LAMB3: variants seen among roughly 807,000 people sequenced by gnomAD.
The protein encoded by LAMB3 is laminin subunit beta 3, also known as laminin subunit beta-3.
In LAMB3, 104 loss-of-function variants were observed where a neutral mutation model predicts 140.3. That is an observed-to-expected ratio of 0.74 (90% CI 0.63 to 0.87). The LOEUF (loss-of-function observed/expected upper bound fraction) is 0.87. LAMB3 is among the 40% of genes least tolerant of loss of function. LAMB3 has a pLI of 0.00. For missense variants in LAMB3, 1,531 were observed against 1,575.2 expected (o/e 0.97, Z 0.47); for synonymous variants, 592 against 602.9 (o/e 0.98, Z 0.26).
At chr1:209,624,830 T>C (rs1478219662) in intron 14 of LAMB3, among the ~76,000 whole-genome samples, 1 of 150,008 alleles carries the variant, frequency 6.7e-6, no homozygotes, top group Non-Finnish European at 1.5e-5. Context: ...TGTACAATGC[T>C]TGTTTCATCA....
rs1442684157 is a variant in LAMB3, at chr1:209,622,518, G to A, written c.2701+18C>T. ...AGGACTGGAACAGCAGCCAAGGTGGGGTGGAGACTGGGCTCACCTGTTAGG... is the reference window on the plus strand; with the variant it reads ...AGGACTGGAACAGCAGCCAAGGTGGAGTGGAGACTGGGCTCACCTGTTAGG... On this transcript the variant is annotated intron_variant, in intron 18 of 22. Coordinates refer to ENST00000356082, the MANE Select transcript of LAMB3 (RefSeq NM_000228.3). 1.2e-6 allele frequency: 2 copies of A among 1,613,344 alleles called. No individual in the cohort carries two copies. Among genetic ancestry groups the A allele is most frequent in the Admixed American group, 3.3e-5 (2 of 60,018 alleles).
chr1:209,629,631 C>T, intron 10 of LAMB3, 106 bp downstream of exon 10: 16 of 1,089,362 alleles, frequency 1.5e-5, no homozygotes, highest in East Asian at 2.5e-5. Flanking sequence ...AGTTTTCATG[C>T]TCCCTGAGGG....
At position 209,622,632 on chromosome 1, in the gene LAMB3, G is replaced by T. The variant is rs11555728; in HGVS notation, c.2605C>A (p.Arg869Ser). ...CTGGCGCTCACCTGGGTCTCCAAGC[G>T]CTGGGCACTGGATTGAATCTGTGAG... ...SASQIQSSAQ[R>S]LETQVSASRS... The change falls in exon 18 of 23, where the codon CGC becomes AGC. Residue 869 changes from arginine to serine, a missense_variant. Coordinates refer to ENST00000356082, the MANE Select transcript of LAMB3 (RefSeq NM_000228.3). The T allele has an allele frequency of 1.6e-4, 253 of 1,613,982 alleles. No individual in the cohort carries two copies. Among genetic ancestry groups the T allele is most frequent in the Admixed American group, 1.1e-3 (68 of 60,004 alleles).
Position 209,625,846 on chromosome 1 carries a change from C to A in LAMB3, c.1778G>T (p.Arg593Leu). 1.2e-6 allele frequency: 2 copies of A among 1,614,076 alleles called. No homozygotes were observed. The highest frequency in any genetic ancestry group is 1.7e-6 in the Non-Finnish European group (2 of 1,179,998). ...PCFQTYDADL[R>L]EQALRFGRLR... ...TCTACCAAAGCGCAGGGCCTGCTCC[C>A]GGAGGTCCGCATCATAGGTCTGGAA... is the stretch of plus-strand genomic sequence containing the variant. The change falls in exon 14 of 23, where the codon CGG becomes CTG. Residue 593 changes from arginine to leucine, a missense_variant. By Grantham distance (102) the Arg-to-Leu change is moderately radical. Transcript: ENST00000356082.
At chr1:209,640,702 T>C (rs2102450396) in intron 3 of LAMB3, among the ~76,000 whole-genome samples, 1 of 152,312 alleles carries the variant, frequency 6.6e-6, no homozygotes, top group African/African-American at 2.4e-5. Flanking sequence ...TATTTGTATA[T>C]TGTCTGCCTC....
rs769503031 is a variant in LAMB3 at position 209,632,571 on chromosome 1, C to G, written c.822+12G>C. On this transcript the variant is annotated intron_variant, in intron 8 of 22. Coordinates refer to ENST00000356082, the MANE Select transcript of LAMB3 (RefSeq NM_000228.3). ...GCCCCCTTCCTCTCCCCTTCCCACCCTAGGCTGTTACCTGCACAGCGGTGG... is the reference window on the plus strand; with the variant it reads ...GCCCCCTTCCTCTCCCCTTCCCACCGTAGGCTGTTACCTGCACAGCGGTGG... The G allele has an allele frequency of 6.2e-7, 1 of 1,612,660 alleles. No homozygotes were observed. Among genetic ancestry groups the G allele is most frequent in the Non-Finnish European group, 8.5e-7 (1 of 1,178,826 alleles).
Position 209,617,933 on chromosome 1 carries a change from G to A in LAMB3, c.3025C>T (p.Arg1009Trp), listed in dbSNP as rs758678733. 5.4e-5 allele frequency: 87 copies of A among 1,614,084 alleles called. No individual in the cohort carries two copies. The highest frequency in any genetic ancestry group is 6.4e-5 in the Non-Finnish European group (76 of 1,180,052). The change falls in exon 20 of 23, where the codon CGG (arginine) becomes TGG (tryptophan). Residue 1009 changes from arginine (R) to tryptophan (W), a missense_variant. By Grantham distance (101) the Arg-to-Trp change is moderately radical. Coordinates refer to ENST00000356082, the MANE Select transcript of LAMB3 (RefSeq NM_000228.3). The stretch of plus-strand genomic sequence containing the variant: ...TCAGCAACCCTGTCCTGGATAAGCC[G>A]AAGGGAGCGGCTGGTGCCTTGCATG... ...DTMQGTSRSL[R>W]LIQDRVAEVQ...
rs758709728 is a variant in LAMB3 at position 209,629,797 on chromosome 1, A to G, written c.1072T>C (p.Cys358Arg). The G allele has an allele frequency of 2.5e-6, 4 of 1,614,060 alleles. No individual in the cohort carries two copies. Among genetic ancestry groups the G allele is most frequent in the Non-Finnish European group, 3.4e-6 (4 of 1,180,032 alleles). Residue 358 changes from cysteine (C) to arginine (R), a missense_variant, in exon 10 of 23, where the codon TGT (cysteine) becomes CGT (arginine). Transcript: ENST00000356082. ...CGGTTCCGGAAATAGTGCAGCTGAC[A>G]CCGCTCACAGTTCTTGCCTTCGGTG... ...DHTEGKNCER[C>R]QLHYFRNRRP...
At chr1:209,617,710 C>T in intron 20 of LAMB3, 124 bp from the exon 21 acceptor site, 2 of 1,259,888 alleles carry the variant, frequency 1.6e-6, no homozygotes, top group Non-Finnish European at 2.3e-6. Flanking sequence ...ACACAATTGC[C>T]CACCTCTCAC....
At chr1:209,636,846 C>A (rs1450565192) in intron 5 of LAMB3, among the ~76,000 whole-genome samples, 1 of 152,220 alleles carries the variant, frequency 6.6e-6, no homozygotes, top group Admixed American at 6.5e-5. Context: ...CTCCCAGCAC[C>A]TCTTCTTACC....
intron 22 of LAMB3, among the ~76,000 whole-genome samples, chr1:209,615,955 T>A (rs975196456): frequency 7.2e-5 from 11 of 152,096 alleles, no homozygotes; most frequent in Admixed American, 6.5e-5. Context: ...TCTTCTCCTG[T>A]CCCTATGTCA....
chr1:209,623,259 A>ATCTCCAT lies in LAMB3; in HGVS notation c.2359-81_2359-80insATGGAGA. The ATCTCCAT allele has an allele frequency of 7.2e-7, 1 of 1,392,332 alleles. No individual in the cohort carries two copies. Among genetic ancestry groups the ATCTCCAT allele is most frequent in the East Asian group, 2.4e-5 (1 of 41,866 alleles). 86.2% of individuals were successfully genotyped at this position (1,392,332 alleles called of 1,614,324 possible). ...CCCACCCCACACCTGGGAAACCAACAGCCAGACATCTCCATGACAACCAAG... is the reference window on the plus strand; with the variant it reads ...CCCACCCCACACCTGGGAAACCAACATCTCCATGCCAGACATCTCCATGACAACCAAG... On this transcript the variant is annotated intron_variant, in intron 16 of 22. Transcript: ENST00000356082. The surrounding 1 kb of genome is among the most constrained non-coding windows in gnomAD (Gnocchi z 4.2).
intron 10 of LAMB3, 62 bp from the exon 11 acceptor site, chr1:209,628,252 C>T: frequency 6.5e-7 from 1 of 1,534,178 alleles, no homozygotes; most frequent in South Asian, 1.2e-5. Flanking sequence ...GAGCAGATTC[C>T]AGGAGCCAGG....
chr1:209,629,700 A>T, intron 10 of LAMB3, 37 bp downstream of exon 10: 1 of 1,599,090 alleles, frequency 6.3e-7, no homozygotes, highest in Non-Finnish European at 8.6e-7. Flanking sequence ...GGAGTAACAG[A>T]CAAATGACAC....
At chr1:209,624,864 GAGAA>G (rs777201432) in intron 14 of LAMB3, among the ~76,000 whole-genome samples, 3 of 134,150 alleles carry the variant, frequency 2.2e-5, no homozygotes, top group Non-Finnish European at 4.6e-5. Flanking sequence ...ATTATGTAAA[GAGAA>G]AGAAAGAGAG....
At position 209,623,905 on chromosome 1, in the gene LAMB3, C is replaced by T. The variant is rs777788000; in HGVS notation, c.2072G>A (p.Gly691Asp). 1.2e-6 allele frequency: 2 copies of T among 1,614,160 alleles called. No individual in the cohort carries two copies. The highest frequency in any genetic ancestry group is 2.2e-5 in the East Asian group (1 of 44,874). ...DLESLDRSFN[G>D]LLTMYQRKRE... is the part of the protein sequence containing the mutation. Reference sequence around the variant, plus strand: ...CTTCCTCTGATACATAGTAAGGAGACCATTGAAGCTTCTGTCAAGACTCTC... The same window carrying T: ...CTTCCTCTGATACATAGTAAGGAGATCATTGAAGCTTCTGTCAAGACTCTC... Residue 691 changes from glycine (G) to aspartate (D), a missense_variant, in exon 15 of 23, where the codon GGT (glycine) becomes GAT (aspartate). Physicochemically the swap from Gly to Asp is moderately conservative, Grantham distance 94. Transcript: ENST00000356082. The surrounding 1 kb of genome is among the most constrained non-coding windows in gnomAD (Gnocchi z 4.2).
intron 8 of LAMB3, among the ~76,000 whole-genome samples, chr1:209,631,346 G>A (rs141521063): frequency 1.3e-5 from 2 of 152,302 alleles, no homozygotes; most frequent in African/African-American, 4.8e-5. Flanking sequence ...CCCTCTGCAA[G>A]CCCTACTTTC....
intron 2 of LAMB3, 38 bp downstream of exon 2, chr1:209,650,879 A>G (rs1157894338): frequency 2.5e-6 from 4 of 1,607,294 alleles, no homozygotes; most frequent in Non-Finnish European, 3.4e-6. Context: ...CCTCCCTGCC[A>G]TATAACAGGG....
At chr1:209,628,844 G>A (rs1666573179) in intron 10 of LAMB3, among the ~76,000 whole-genome samples, 1 of 152,216 alleles carries the variant, frequency 6.6e-6, no homozygotes, top group Admixed American at 6.5e-5. Context: ...ACTGGGAACT[G>A]TCATATGTTG....
Sources: gnomAD v4.1 joint callset for allele counts (sites outside exome capture counted in the v4.1 genomes callset) on GRCh38, gnomAD v4.1.1 for gene constraint, Gnocchi (gnomAD v3.1) non-coding constraint, MANE v1.5 for transcripts, NCBI Gene and HGNC (gene_info 2026-07-23, HGNC 2026-07-21) for gene names.